Variants in CIP2A observed in about 807,000 individuals in gnomAD.
CIP2A encodes the protein protein CIP2A.
CIP2A carries 103 observed loss-of-function variants against 110.9 expected under a neutral mutation model. That is an observed-to-expected ratio of 0.93 (90% confidence interval 0.79 to 1.09). The LOEUF is 1.09. Among genes scored for constraint, CIP2A ranks in the 50% least tolerant of loss-of-function variants. The pLI is 0.00. For missense variants in CIP2A, 1,088 were observed against 1,038.4 expected (o/e 1.05, Z -0.66); for synonymous variants, 381 against 361.6 (o/e 1.05, Z -0.61).
Position 108,557,315 on chromosome 3 carries a change from T to G in CIP2A, c.2113A>C (p.Ser705Arg). The G allele has an allele frequency of 6.2e-7, 1 of 1,612,770 alleles. No individual in the cohort carries two copies. Among genetic ancestry groups the G allele is most frequent in the Non-Finnish European group, 8.5e-7 (1 of 1,179,080 alleles). Reference sequence around the variant, plus strand: ...TGTTGAAAGAGATGCTCAATATCACTCTGCGCTCTTTCTGATTCAACTTGC... The same window carrying G: ...TGTTGAAAGAGATGCTCAATATCACGCTGCGCTCTTTCTGATTCAACTTGC... Reference protein sequence around the residue: ...AQQVESERAQSDIEHLFQHNR... With the variant: ...AQQVESERAQRDIEHLFQHNR... The change falls in exon 17 of 21, where the codon AGT becomes CGT. Residue 705 changes from serine to arginine, a missense_variant. By Grantham distance (110) the Ser-to-Arg change is moderately radical (BLOSUM62 -1). Coordinates refer to ENST00000295746, the MANE Select transcript of CIP2A (RefSeq NM_020890.3).
chr3:108,583,618 T>G (rs896103711), intron 2 of CIP2A, among the ~76,000 whole-genome samples: 23 of 151,868 alleles, frequency 1.5e-4, no homozygotes, highest in Non-Finnish European at 3.1e-4. Context: ...ATGGGAGGTG[T>G]GAGGGGGAGC....
At chr3:108,587,923 A>T (rs1576323542) in intron 1 of CIP2A, among the ~76,000 whole-genome samples, 1 of 152,154 alleles carries the variant, frequency 6.6e-6, no homozygotes, top group East Asian at 1.9e-4. Context: ...CTGGGACAAC[A>T]GAGAGACGCC....
rs907551896 is a variant in CIP2A, at chr3:108,551,375, G to C, written c.2548-56C>G. 16 of 1,296,186 alleles carry C rather than the reference G, an allele frequency of 1.2e-5. No individual in the cohort carries two copies. In the Admixed American group the frequency reaches 2.5e-4, roughly 20 times the overall value. 80.3% of individuals were successfully genotyped at this position (1,296,186 alleles called of 1,614,324 possible). A position where few individuals can be genotyped will look rare whatever the true frequency, so the allele number is the denominator to read the frequency against. On this transcript the variant is annotated intron_variant, in intron 20 of 20. Coordinates refer to ENST00000295746, the MANE Select transcript of CIP2A (RefSeq NM_020890.3). ...AATTGAGAAGAAAAATAACTTTAAT[G>C]TTTTCTCTATACATATATTTTAAGA...
Position 108,550,799 on chromosome 3 carries a change from A to G in CIP2A, c.*350T>C, listed in dbSNP as rs560473879. ...AAGAAAGTTTGGTCTTAAGATCTAA[A>G]TAATCACAAATGAGAATAAATAAGA... On this transcript the variant is annotated 3_prime_UTR_variant, in exon 21 of 21. Transcript: ENST00000295746. The G allele has an allele frequency of 6.5e-6, 1 of 154,018 alleles. No individual in the cohort carries two copies. Among genetic ancestry groups the G allele is most frequent in the Admixed American group, 6.5e-5 (1 of 15,326 alleles). 9.5% of individuals were successfully genotyped at this position (154,018 alleles called of 1,614,324 possible). A position where few individuals can be genotyped will look rare whatever the true frequency, so the allele number is the denominator to read the frequency against.
chr3:108,585,223 G>A lies in CIP2A; in HGVS notation c.103-11C>T, dbSNP rs1377513686. 1 of 1,592,494 alleles carries A rather than the reference G, an allele frequency of 6.3e-7. No homozygotes were observed. On this transcript the variant is annotated splice_polypyrimidine_tract_variant and intron_variant, in intron 1 of 20. Coordinates refer to ENST00000295746, the MANE Select transcript of CIP2A (RefSeq NM_020890.3). ...CTGTCCAGAAATTACCTATAAAATA[G>A]TAATCAAAATGTGTTGGTTAAGCGA...
intron 9 of CIP2A, among the ~76,000 whole-genome samples, chr3:108,569,092 G>C (rs1030152660): frequency 7.2e-6 from 1 of 138,604 alleles, no homozygotes; most frequent in Non-Finnish European, 1.6e-5. Flanking sequence ...GAGAGACAAT[G>C]TAACTATCCC....
Position 108,553,903 on chromosome 3 carries a change from A to C in CIP2A, c.2325-173T>G, listed in dbSNP as rs1368393250. ...CCGTCTCTACTAAAAATATAAAAAA[A>C]AAAAAAAAAAAAAAAAGGTCTCGTT... On this transcript the variant is annotated intron_variant, in intron 18 of 20. Coordinates refer to ENST00000295746, the MANE Select transcript of CIP2A (RefSeq NM_020890.3). 1.0e-4 allele frequency among the ~76,000 whole-genome samples: 13 copies of C among 125,752 alleles called. 2 individuals are homozygous for C. Among genetic ancestry groups the C allele is most frequent in the Non-Finnish European group, 2.0e-4 (11 of 56,314 alleles). 82.5% of individuals were successfully genotyped at this position (125,752 alleles called of 152,430 possible). A position where few individuals can be genotyped will look rare whatever the true frequency, so the allele number is the denominator to read the frequency against.
chr3:108,560,065 A>G (rs748459686), intron 14 of CIP2A, 37 bp from the exon 15 acceptor site: 1 of 1,250,902 alleles, frequency 8.0e-7, no homozygotes, highest in South Asian at 1.4e-5. Flanking sequence ...AAATTTTAAT[A>G]AAATATTTTG....
Position 108,583,088 on chromosome 3 carries a change from A to C in CIP2A, c.251-5T>G. 9 of 1,528,850 alleles carry C rather than the reference A, an allele frequency of 5.9e-6. No individual in the cohort carries two copies. The highest frequency in any genetic ancestry group is 8.1e-6 in the Non-Finnish European group (9 of 1,116,352). 94.7% of individuals were successfully genotyped at this position (1,528,850 alleles called of 1,614,324 possible). A position where few individuals can be genotyped will look rare whatever the true frequency, so the allele number is the denominator to read the frequency against. On this transcript the variant is annotated splice_region_variant and splice_polypyrimidine_tract_variant and intron_variant, in intron 2 of 20. Coordinates refer to ENST00000295746, the MANE Select transcript of CIP2A (RefSeq NM_020890.3). ...CTCTGGTTTCAATGTCTACTGCTAT[A>C]AGTTAAAATAAAAGCACAAAATATA...
In CIP2A at chr3:108,566,504, C is replaced by A. The variant is rs531825925; in HGVS notation, c.1408G>T (p.Glu470Ter). The change falls in exon 11 of 21, where the codon GAA (glutamate) becomes TAA (stop). Residue 470 changes from glutamate (E) to a stop codon, truncating the protein, a stop_gained. Coordinates refer to ENST00000295746, the MANE Select transcript of CIP2A (RefSeq NM_020890.3). LOFTEE classifies it high-confidence loss of function. ...LGFGTKVADS[E>*]LCKLAADVIL... ...TAGAGTTTATATACTCACCATAATT[C>A]AGAATCTGCAACCTTTGTTCCAAAT... is the stretch of plus-strand genomic sequence containing the variant. 13 of 1,606,458 alleles carry A rather than the reference C, an allele frequency of 8.1e-6. No homozygotes were observed. In the South Asian group the frequency reaches 1.3e-4, roughly 17 times the overall value.
chr3:108,589,317 AC>A lies in CIP2A; in HGVS notation c.58del (p.Val20Ter). 6.2e-7 allele frequency: 1 copy of A among 1,614,008 alleles called. No individual in the cohort carries two copies. The highest frequency in any genetic ancestry group is 8.5e-7 in the Non-Finnish European group (1 of 1,179,962). ...CTGAGTGGCGTTCGCCTCTGACTTC[AC>A]GGCTTTGTACTGACTGACAGTCAGG... is the stretch of plus-strand genomic sequence containing the variant. ...LLLTVSQYKA[V>X]KSEANATQLL... On this transcript the variant is annotated frameshift_variant, in exon 1 of 21. Transcript: ENST00000295746. LOFTEE classifies it high-confidence loss of function.
chr3:108,572,690 A>G (rs1454629468), intron 8 of CIP2A, among the ~76,000 whole-genome samples: 2 of 152,124 alleles, frequency 1.3e-5, no homozygotes, highest in African/African-American at 4.8e-5. Flanking sequence ...TATCCAGCCA[A>G]CTTGTTAAAT....
Position 108,579,646 on chromosome 3 carries a change from C to T in CIP2A, c.592G>A (p.Ala198Thr). 6.2e-7 allele frequency: 1 copy of T among 1,601,710 alleles called. No individual in the cohort carries two copies. Among genetic ancestry groups the T allele is most frequent in the Non-Finnish European group, 8.5e-7 (1 of 1,174,436 alleles). ...SFYRTLITLL[A>T]HSSLTVVVFA... ...ACAACCACAGTTAAACTACTATGGG[C>T]CAACAAGGTGATAAGAGTTCGATAA... Residue 198 changes from alanine (A) to threonine (T), a missense_variant, in exon 6 of 21, where the codon GCC becomes ACC. Physicochemically the swap from Ala to Thr is moderately conservative, Grantham distance 58. Transcript: ENST00000295746.
chr3:108,556,385 GA>G, intron 17 of CIP2A, among the ~76,000 whole-genome samples: 1 of 152,056 alleles, frequency 6.6e-6, no homozygotes, highest in Non-Finnish European at 1.5e-5. Context: ...CTGTAATTCA[GA>G]AGTTTTACAA....
intron 5 of CIP2A, among the ~76,000 whole-genome samples, chr3:108,580,699 G>A (rs1938841816): frequency 6.6e-6 from 1 of 151,954 alleles, no homozygotes; most frequent in Admixed American, 6.6e-5. Flanking sequence ...CGCGATCTCA[G>A]CTCACTCCAA....
chr3:108,569,652 T>C, intron 8 of CIP2A, 45 bp from the exon 9 acceptor site: 1 of 1,399,824 alleles, frequency 7.1e-7, no homozygotes, highest in Non-Finnish European at 1.0e-6. Flanking sequence ...TCACAGAACT[T>C]TAATATACAA....
intron 14 of CIP2A, 56 bp from the exon 15 acceptor site, chr3:108,560,084 A>T: frequency 2.0e-6 from 2 of 1,009,572 alleles, no homozygotes; most frequent in Non-Finnish European, 3.0e-6. Flanking sequence ...TGACACAATG[A>T]CAAAATAAAT....
intron 8 of CIP2A, among the ~76,000 whole-genome samples, chr3:108,575,615 C>A (rs1938580101): frequency 7.0e-6 from 1 of 142,146 alleles, no homozygotes; most frequent in Non-Finnish European, 1.5e-5. Flanking sequence ...TACTCATATA[C>A]ATGTGTATAT....
intron 8 of CIP2A, among the ~76,000 whole-genome samples, chr3:108,575,616 A>G (rs1371345185): frequency 7.0e-5 from 10 of 143,298 alleles, no homozygotes; most frequent in African/African-American, 2.4e-4. Context: ...ACTCATATAC[A>G]TGTGTATATA....
Sources: gnomAD v4.1 joint callset for allele counts (sites outside exome capture counted in the v4.1 genomes callset) on GRCh38, gnomAD v4.1.1 for gene constraint, MANE v1.5 for transcripts, NCBI Gene and HGNC (gene_info 2026-07-23, HGNC 2026-07-21) for gene names.